CHRM2: variants seen among roughly 807,000 people sequenced by gnomAD.
CHRM2 encodes the protein cholinergic receptor muscarinic 2.
Under a neutral mutation model 25.0 loss-of-function variants are expected in CHRM2, and 8 were observed. That is an observed-to-expected ratio of 0.32 (90% confidence interval 0.19 to 0.58). The LOEUF (loss-of-function observed/expected upper bound fraction) is 0.58, where lower values mean the gene tolerates loss of function less well. Ranked by LOEUF, CHRM2 falls within the 20% of genes least tolerant of loss-of-function variation. The pLI is 0.88. For synonymous variants in CHRM2, 202 were observed against 205.7 expected, an observed-to-expected ratio of 0.98 and a Z score of 0.15; for missense variants, 440 against 567.1, an observed-to-expected ratio of 0.78 and a Z score of 2.28.
At chr7:136,877,207 C>G (rs934021007) in intron 2 of CHRM2, among the ~76,000 whole-genome samples, 1 of 151,986 alleles carries the variant, frequency 6.6e-6, no homozygotes, top group Non-Finnish European at 1.5e-5. Flanking sequence ...TAGCCGGAGA[C>G]TTTTTGATTT....
At chr7:137,006,910 G>A (rs2131092431) in intron 3 of CHRM2, among the ~76,000 whole-genome samples, 1 of 152,058 alleles carries the variant, frequency 6.6e-6, no homozygotes, top group South Asian at 2.1e-4. Flanking sequence ...GTGAGGACAT[G>A]GCTGTCTTTT....
chr7:137,009,965 T>C (rs1183148894), intron 3 of CHRM2, among the ~76,000 whole-genome samples: 1 of 151,968 alleles, frequency 6.6e-6, no homozygotes, highest in Admixed American at 6.6e-5. Context: ...TTCTGTTCAC[T>C]CTTAAGAAAG....
Position 136,974,355 on chromosome 7 carries a change from C to A in CHRM2, c.-124-17832C>A, listed in dbSNP as rs563006038. Among the ~76,000 whole-genome samples the A allele has an allele frequency of 2.0e-5, 3 of 152,208 alleles. No individual in the cohort carries two copies. In the South Asian group the frequency reaches 6.2e-4, roughly 32 times the overall value. Reference sequence around the variant, plus strand: ...AGTGCTTATCCCAAGTGCCAACTGACAACATAGAACTGCAAACTCAATTGC... The same window carrying A: ...AGTGCTTATCCCAAGTGCCAACTGAAAACATAGAACTGCAAACTCAATTGC... On this transcript the variant is annotated intron_variant, in intron 2 of 3. Coordinates refer to ENST00000680005, the MANE Select transcript of CHRM2 (RefSeq NM_001006630.2).
intron 2 of CHRM2, among the ~76,000 whole-genome samples, chr7:136,958,839 A>G (rs1411020967): frequency 6.6e-6 from 1 of 152,182 alleles, no homozygotes; most frequent in Non-Finnish European, 1.5e-5. Flanking sequence ...TAGTTTTTAA[A>G]TGGCAGTAGG....
At chr7:136,894,440 C>T (rs1796810513) in intron 2 of CHRM2, among the ~76,000 whole-genome samples, 2 of 152,092 alleles carry the variant, frequency 1.3e-5, no homozygotes, top group Non-Finnish European at 2.9e-5. Flanking sequence ...GGTGCGATCT[C>T]GGCTCACTGC....
chr7:137,010,291 G>C (rs1479740894), intron 3 of CHRM2, among the ~76,000 whole-genome samples: 1 of 151,948 alleles, frequency 6.6e-6, no homozygotes, highest in Non-Finnish European at 1.5e-5. Flanking sequence ...AGAAACTGAG[G>C]GCAGAAACAT....
chr7:136,885,191 C>T (rs149517886), intron 2 of CHRM2, among the ~76,000 whole-genome samples: 64 of 152,318 alleles, frequency 4.2e-4, no homozygotes, highest in Non-Finnish European at 8.1e-4. Context: ...GACAGTTTAT[C>T]ATCCCTCCTT....
intron 2 of CHRM2, among the ~76,000 whole-genome samples, chr7:136,904,945 T>A (rs1172373004): frequency 1.3e-5 from 2 of 151,980 alleles, no homozygotes; most frequent in African/African-American, 4.8e-5. Flanking sequence ...AGAGTGAGTA[T>A]ATTTACATTA....
intron 2 of CHRM2, among the ~76,000 whole-genome samples, chr7:136,883,567 A>G (rs2130518653): frequency 6.6e-6 from 1 of 152,288 alleles, no homozygotes; most frequent in African/African-American, 2.4e-5. Flanking sequence ...TCATCAACCT[A>G]CAATGAATAC....
intron 2 of CHRM2, chr7:136,901,789 C>T (rs1797224215): frequency 6.6e-6 from 1 of 151,996 alleles, no homozygotes; most frequent in Non-Finnish European, 1.5e-5. Flanking sequence ...TCATGCATAA[C>T]TCACAAAACC....
rs149842835 is a variant in CHRM2 at position 136,913,766 on chromosome 7, A to C, written c.-125+44348A>C. ...GAAGTGGGTATTATTTTAAAAAATT[A>C]TAAAGCTGAAGCCCAGAGAAATGAT... On this transcript the variant is annotated intron_variant, in intron 2 of 3. Transcript: ENST00000680005. Among the ~76,000 whole-genome samples the C allele has an allele frequency of 5.2e-3, 789 of 152,094 alleles. 6 individuals carry two copies. Among genetic ancestry groups the C allele is most frequent in the African/African-American group, 0.018 (740 of 41,542 alleles).
At chr7:136,989,940 C>T (rs78972557) in intron 2 of CHRM2, among the ~76,000 whole-genome samples, 3,414 of 152,238 alleles carry the variant, frequency 0.022, 63 homozygotes, top group Non-Finnish European at 0.034. Context: ...AGCCACCTCC[C>T]TTCACCTCTC....
intron 2 of CHRM2, among the ~76,000 whole-genome samples, chr7:136,950,384 G>A (rs1286729309): frequency 6.6e-6 from 1 of 152,138 alleles, no homozygotes; most frequent in Non-Finnish European, 1.5e-5. Context: ...TGCGGGATGG[G>A]GGTGGGAGTG....
chr7:136,993,650 A>G (rs1028750841), intron 3 of CHRM2, among the ~76,000 whole-genome samples: 1 of 152,150 alleles, frequency 6.6e-6, no homozygotes, highest in Non-Finnish European at 1.5e-5. Context: ...TCGAGCTAGG[A>G]AGAACATGAT....
intron 2 of CHRM2, among the ~76,000 whole-genome samples, chr7:136,936,609 TG>T (rs1799427722): frequency 6.6e-6 from 1 of 152,188 alleles, no homozygotes; most frequent in Non-Finnish European, 1.5e-5. Flanking sequence ...TACATGTCTC[TG>T]TCTGAGTTTT....
At chr7:136,908,939 T>A (rs1797697262) in intron 2 of CHRM2, among the ~76,000 whole-genome samples, 1 of 151,938 alleles carries the variant, frequency 6.6e-6, no homozygotes, top group Non-Finnish European at 1.5e-5. Context: ...GCCTAGTCAA[T>A]CACTAATATT....
intron 2 of CHRM2, chr7:136,899,168 A>G (rs1280657232): frequency 6.6e-6 from 1 of 152,118 alleles, no homozygotes; most frequent in East Asian, 1.9e-4. Context: ...CTAGTGGGAA[A>G]GTCCCTTGCT....
intron 2 of CHRM2, among the ~76,000 whole-genome samples, chr7:136,963,304 G>A (rs878976571): frequency 7.9e-5 from 12 of 152,262 alleles, no homozygotes; most frequent in Non-Finnish European, 1.6e-4. Context: ...TTTTAAAAGC[G>A]TTTATCTCGT....
intron 3 of CHRM2, among the ~76,000 whole-genome samples, chr7:137,000,218 G>A (rs324636): frequency 0.61 from 55,286 of 90,276 alleles, 13,320 homozygotes; most frequent in Middle Eastern, 0.66. Context: ...TTTTTTTTTC[G>A]GACAGAGTCT....
Sources: gnomAD v4.1 joint callset for allele counts (sites outside exome capture counted in the v4.1 genomes callset) on GRCh38, gnomAD v4.1.1 for gene constraint, MANE v1.5 for transcripts, NCBI Gene and HGNC (gene_info 2026-07-23, HGNC 2026-07-21) for gene names.